ADAMTS6: variants seen among roughly 807,000 people sequenced by gnomAD.
ADAMTS6 encodes ADAM metallopeptidase with thrombospondin type 1 motif 6.
Under a neutral mutation model 144.3 loss-of-function variants are expected in ADAMTS6, and 23 were observed. The observed-to-expected ratio is 0.16, with a 90% CI of 0.11 to 0.23. The LOEUF is 0.23. Ranked by LOEUF, ADAMTS6 falls within the 10% of genes least tolerant of loss-of-function variation. The pLI, the probability that ADAMTS6 is intolerant of heterozygous loss-of-function variation, is 1.00. For missense variants in ADAMTS6, 999 were observed against 1,379.6 expected, an observed-to-expected ratio of 0.72 and a Z score of 4.37; for synonymous variants, 444 against 457.5, an observed-to-expected ratio of 0.97 and a Z score of 0.38.
chr5:65,332,316 G>T (rs202056817), intron 8 of ADAMTS6, among the ~76,000 whole-genome samples: 5,686 of 118,444 alleles, frequency 0.048, 119 homozygotes, highest in Admixed American at 0.071. Flanking sequence ...TATATATAGA[G>T]AGAGAGAGAG....
chr5:65,267,325 G>C (rs1040162215), intron 12 of ADAMTS6, among the ~76,000 whole-genome samples: 1 of 151,976 alleles, frequency 6.6e-6, no homozygotes, highest in Non-Finnish European at 1.5e-5. Flanking sequence ...AAATTATCCG[G>C]ATAAATTGGA....
intron 9 of ADAMTS6, among the ~76,000 whole-genome samples, chr5:65,317,531 G>A (rs1745128930): frequency 6.6e-6 from 1 of 152,060 alleles, no homozygotes; most frequent in Non-Finnish European, 1.5e-5. Flanking sequence ...CCACAAGCTA[G>A]GCAACCAAAG....
chr5:65,276,039 G>C (rs977772055), intron 11 of ADAMTS6, among the ~76,000 whole-genome samples: 1 of 151,932 alleles, frequency 6.6e-6, no homozygotes, highest in East Asian at 1.9e-4. Flanking sequence ...TATTGAAAAA[G>C]ACGATACTTA....
intron 7 of ADAMTS6, among the ~76,000 whole-genome samples, chr5:65,363,472 T>C (rs1347586449): frequency 6.6e-6 from 1 of 152,190 alleles, no homozygotes; most frequent in Admixed American, 6.5e-5. Context: ...AAGCAAATGT[T>C]ATCATTAACA....
intron 21 of ADAMTS6, among the ~76,000 whole-genome samples, chr5:65,190,269 A>G (rs1393071789): frequency 3.9e-5 from 6 of 152,152 alleles, no homozygotes; most frequent in Non-Finnish European, 8.8e-5. Context: ...TGACACAAAC[A>G]TTTTTTCTAA....
At chr5:65,220,689 G>A (rs1757260458) in intron 18 of ADAMTS6, among the ~76,000 whole-genome samples, 1 of 152,204 alleles carries the variant, frequency 6.6e-6, no homozygotes, top group Non-Finnish European at 1.5e-5. Context: ...GGTGCTTGCA[G>A]TGAGCCGAGA....
At chr5:65,237,450 C>T (rs1353020711) in intron 15 of ADAMTS6, among the ~76,000 whole-genome samples, 1 of 98,642 alleles carries the variant, frequency 1.0e-5, no homozygotes, top group Non-Finnish European at 2.2e-5. Context: ...AACCATATAG[C>T]CCTTTTCTCT....
chr5:65,201,559 C>A (rs1385486764), intron 20 of ADAMTS6, among the ~76,000 whole-genome samples: 1 of 152,048 alleles, frequency 6.6e-6, no homozygotes, highest in Non-Finnish European at 1.5e-5. Flanking sequence ...TAAGTCTTCT[C>A]AACTCTACTC....
intron 16 of ADAMTS6, 146 bp downstream of exon 16, chr5:65,225,940 T>C: frequency 2.4e-6 from 2 of 844,290 alleles, no homozygotes; most frequent in Non-Finnish European, 3.4e-6. Context: ...TACCTTTACA[T>C]ATTTTATTAC....
intron 24 of ADAMTS6, among the ~76,000 whole-genome samples, chr5:65,160,526 A>C (rs1382552242): frequency 6.6e-6 from 1 of 151,584 alleles, no homozygotes; most frequent in East Asian, 1.9e-4. Context: ...GGATGGTCTC[A>C]ATCTCCTGAC....
chr5:65,257,903 T>A (rs1192178649), intron 14 of ADAMTS6, among the ~76,000 whole-genome samples: 1 of 152,168 alleles, frequency 6.6e-6, no homozygotes, highest in Non-Finnish European at 1.5e-5. Context: ...GATTTCCCAA[T>A]AAATTTATAA....
At chr5:65,217,627 T>C (rs556144699) in intron 18 of ADAMTS6, among the ~76,000 whole-genome samples, 1 of 152,216 alleles carries the variant, frequency 6.6e-6, no homozygotes, top group East Asian at 1.9e-4. Flanking sequence ...GGTGTAAAAA[T>C]AAAGGAGTCT....
chr5:65,332,324 G>T lies in ADAMTS6; in HGVS notation c.1117+1718C>A, dbSNP rs902043720. Reference sequence around the variant, plus strand: ...ATATATATATATATAGAGAGAGAGAGAGAGAGAGAGAGAGAGTGTATATGT... The same window carrying T: ...ATATATATATATATAGAGAGAGAGATAGAGAGAGAGAGAGAGTGTATATGT... On this transcript the variant is annotated intron_variant, in intron 8 of 24. Coordinates refer to ENST00000381055, the MANE Select transcript of ADAMTS6 (RefSeq NM_197941.4). 2.0e-3 allele frequency among the ~76,000 whole-genome samples: 300 copies of T among 148,956 alleles called. 1 individual carries two copies. The highest frequency in any genetic ancestry group is 3.5e-3 in the Non-Finnish European group (236 of 67,046).
intron 7 of ADAMTS6, among the ~76,000 whole-genome samples, chr5:65,432,912 C>T (rs908442215): frequency 4.6e-5 from 7 of 152,074 alleles, no homozygotes; most frequent in South Asian, 2.1e-4. Flanking sequence ...CAGTTCAATA[C>T]ATATGGGGTG....
chr5:65,214,810 T>C lies in ADAMTS6; in HGVS notation c.2559A>G (p.Ser853=). 1.2e-6 allele frequency: 2 copies of C among 1,614,140 alleles called. No homozygotes were observed. The highest frequency in any genetic ancestry group is 1.7e-6 in the Non-Finnish European group (2 of 1,180,002). The change falls in exon 20 of 25, where the codon TCA becomes TCG. Residue 853 remains serine, a synonymous_variant. Coordinates refer to ENST00000381055, the MANE Select transcript of ADAMTS6 (RefSeq NM_197941.4). This position sits in a 1 kb window ranked among gnomAD's most constrained non-coding sequence, Gnocchi z 4.6. ...GCATCTTACCTCCAGCACAAGTAGCTGAGCATTCTGACCAAGGCTGATGAT... is the reference window on the plus strand; with the variant it reads ...GCATCTTACCTCCAGCACAAGTAGCCGAGCATTCTGACCAAGGCTGATGAT... The part of the protein sequence containing the change: ...TWNHQPWSEC[S]ATCAGGVQRQ...
At chr5:65,215,020 C>CA in intron 19 of ADAMTS6, 88 bp from the exon 20 acceptor site, 1 of 1,472,658 alleles carries the variant, frequency 6.8e-7, no homozygotes, top group Non-Finnish European at 9.1e-7. Flanking sequence ...AAGAAAATGT[C>CA]AAAACAAGTC....
At chr5:65,476,644 T>TG (rs1280032655) in intron 1 of ADAMTS6, among the ~76,000 whole-genome samples, 1 of 152,190 alleles carries the variant, frequency 6.6e-6, no homozygotes, top group Non-Finnish European at 1.5e-5. Context: ...GTCTTGCTCT[T>TG]GTCGCCCATG....
chr5:65,228,501 C>G (rs1239007610), intron 15 of ADAMTS6, among the ~76,000 whole-genome samples: 5 of 152,088 alleles, frequency 3.3e-5, no homozygotes, highest in African/African-American at 1.2e-4. Context: ...CTATCATCTC[C>G]CTGCAGAAGG....
chr5:65,214,477 CT>C lies in ADAMTS6; in HGVS notation c.2575+316del. The C allele has an allele frequency of 2.5e-6, 1 of 397,140 alleles. No individual in the cohort carries two copies. Among genetic ancestry groups the C allele is most frequent in the Non-Finnish European group, 4.7e-6 (1 of 210,644 alleles). The allele number at this position is 397,140 out of a possible 1,614,324, so 24.6% of individuals were successfully genotyped here. ...TTCTTGCTCATTTTCTTTTTTAAAACTTTTGATGTTCTTTACCAAGAATGTG... is the reference window on the plus strand; with the variant it reads ...TTCTTGCTCATTTTCTTTTTTAAAACTTTGATGTTCTTTACCAAGAATGTG... On this transcript the variant is annotated intron_variant, in intron 20 of 24. Coordinates refer to ENST00000381055, the MANE Select transcript of ADAMTS6 (RefSeq NM_197941.4). This position sits in a 1 kb window ranked among gnomAD's most constrained non-coding sequence, Gnocchi z 4.6.
Sources: allele counts gnomAD v4.1 joint callset (sites outside exome capture counted in the v4.1 genomes callset), GRCh38; gene constraint gnomAD v4.1.1; non-coding constraint Gnocchi (gnomAD v3.1); transcripts MANE v1.5; gene names NCBI Gene and HGNC (gene_info 2026-07-23, HGNC 2026-07-21).